Variants in NUP107 observed in about 807,000 individuals in gnomAD.
The protein encoded by NUP107 is nuclear pore complex protein Nup107.
In NUP107, 101 loss-of-function variants were observed where a neutral mutation model predicts 141.0. That is an observed-to-expected ratio of 0.72 (90% CI 0.61 to 0.84). NUP107 has a LOEUF of 0.84. Among genes scored for constraint, NUP107 ranks in the 40% least tolerant of loss-of-function variants. NUP107 has a pLI of 0.00. For synonymous variants in NUP107, 319 were observed against 363.9 expected (o/e 0.88, Z 1.41); for missense variants, 941 against 1,102.7 (o/e 0.85, Z 2.08).
chr12:68,697,770 C>T (rs1368638346), intron 6 of NUP107, among the ~76,000 whole-genome samples: 1 of 152,120 alleles, frequency 6.6e-6, no homozygotes, highest in Admixed American at 6.6e-5. Context: ...TGACTCATGC[C>T]TGTAATCCTA....
At chr12:68,699,793 T>C (rs1007415273) in intron 6 of NUP107, among the ~76,000 whole-genome samples, 3 of 152,222 alleles carry the variant, frequency 2.0e-5, no homozygotes, top group African/African-American at 7.2e-5. Flanking sequence ...TTCTTTACCC[T>C]GGGTCGTTAA....
rs1488992185 is a variant in NUP107, at chr12:68,742,864, A to T, written c.*402A>T. 6.6e-6 allele frequency: 1 copy of T among 152,278 alleles called. No individual in the cohort carries two copies. Among genetic ancestry groups the T allele is most frequent in the African/African-American group, 2.4e-5 (1 of 41,452 alleles). 9.4% of individuals were successfully genotyped at this position (152,278 alleles called of 1,614,324 possible). A position where few individuals can be genotyped will look rare whatever the true frequency, so the allele number is the denominator to read the frequency against. On this transcript the variant is annotated 3_prime_UTR_variant, in exon 28 of 28. Coordinates refer to ENST00000229179, the MANE Select transcript of NUP107 (RefSeq NM_020401.4). ...ATAAAATTTAGTATTTTTGAATATTAAAATTAAGAAGATGACTATAACAAG... is the reference window on the plus strand; with the variant it reads ...ATAAAATTTAGTATTTTTGAATATTTAAATTAAGAAGATGACTATAACAAG...
chr12:68,706,728 G>A (rs150979358), intron 8 of NUP107: 50 of 755,474 alleles, frequency 6.6e-5, no homozygotes, highest in Non-Finnish European at 1.0e-4. Flanking sequence ...GACATGGCAC[G>A]GCAGCTGCGG....
rs554888188 is a variant in NUP107, at chr12:68,717,885, A to G, written c.1084-1456A>G. On this transcript the variant is annotated intron_variant, in intron 12 of 27. Coordinates refer to ENST00000229179, the MANE Select transcript of NUP107 (RefSeq NM_020401.4). ...ATAGCTCTCATAGATTTTAAAGGCT[A>G]TAAGTTCAGAATGATGTTAGGGGTA... Among the ~76,000 whole-genome samples the G allele has an allele frequency of 3.3e-5, 5 of 152,360 alleles. No homozygotes were observed. The East Asian group carries it at 5.8e-4, about 18-fold the overall frequency.
intron 5 of NUP107, among the ~76,000 whole-genome samples, chr12:68,693,423 A>C (rs906015659): frequency 6.6e-6 from 1 of 152,218 alleles, no homozygotes; most frequent in East Asian, 1.9e-4. Context: ...AGACCAGCCC[A>C]GGCTGGTCTC....
Position 68,702,796 on chromosome 12 carries a change from A to G in NUP107, c.729+12A>G. The G allele has an allele frequency of 2.8e-6, 4 of 1,448,404 alleles. No individual in the cohort carries two copies. Among genetic ancestry groups the G allele is most frequent in the Non-Finnish European group, 3.8e-6 (4 of 1,062,186 alleles). 89.7% of individuals were successfully genotyped at this position (1,448,404 alleles called of 1,614,324 possible). ...TATTCGCAGTTACTGTAAGTTTTAT[A>G]TTAATTTTTTCTTTTATAAATACAT... On this transcript the variant is annotated intron_variant, in intron 8 of 27. Coordinates refer to ENST00000229179, the MANE Select transcript of NUP107 (RefSeq NM_020401.4).
At chr12:68,715,355 G>C (rs902217527) in intron 11 of NUP107, among the ~76,000 whole-genome samples, 2 of 152,168 alleles carry the variant, frequency 1.3e-5, no homozygotes, top group Non-Finnish European at 2.9e-5. Context: ...TTAGCTGGGC[G>C]TGGTGGCGTG....
chr12:68,731,771 T>A (rs769824169), intron 22 of NUP107, 52 bp downstream of exon 22: 2 of 1,000,532 alleles, frequency 2.0e-6, no homozygotes, highest in Admixed American at 5.3e-5. Flanking sequence ...TAATCTTTTA[T>A]GTTATTCCTT....
chr12:68,694,606 A>G (rs1312314854), intron 5 of NUP107, among the ~76,000 whole-genome samples: 1 of 152,216 alleles, frequency 6.6e-6, no homozygotes, highest in African/African-American at 2.4e-5. Context: ...GAGCAAAGAA[A>G]TAGAATAGAC....
In NUP107 at chr12:68,692,088, C is replaced by T. The variant is rs114534612; in HGVS notation, c.424C>T (p.Arg142Cys). ...TGTAACTATCAGTGCTGTTATGTTACGTGAGGATGATCCTGGAGAAGCTGG... is the reference window on the plus strand; with the variant it reads ...TGTAACTATCAGTGCTGTTATGTTATGTGAGGATGATCCTGGAGAAGCTGG... Reference protein sequence around the residue: ...EDVTISAVMLREDDPGEAASM... With the variant: ...EDVTISAVMLCEDDPGEAASM... The change falls in exon 5 of 28, where the codon CGT (arginine) becomes TGT (cysteine). Residue 142 changes from arginine to cysteine, a missense_variant. Arg to Cys is a radical substitution (Grantham distance 180, BLOSUM62 -3). Coordinates refer to ENST00000229179, the MANE Select transcript of NUP107 (RefSeq NM_020401.4). The T allele has an allele frequency of 1.1e-4, 173 of 1,599,422 alleles. No individual in the cohort carries two copies. In the African/African-American group the frequency reaches 1.9e-3, roughly 18 times the overall value.
At chr12:68,720,027 A>G (rs545599704) in intron 14 of NUP107, among the ~76,000 whole-genome samples, 150 of 152,354 alleles carry the variant, frequency 9.8e-4, no homozygotes, top group Middle Eastern at 3.4e-3. Context: ...GGGAAACTCA[A>G]AGTAAGGTGG....
intron 6 of NUP107, 39 bp downstream of exon 6, chr12:68,696,961 ATTTTTAG>A: frequency 7.7e-7 from 1 of 1,291,754 alleles, no homozygotes; most frequent in Non-Finnish European, 1.1e-6. Context: ...AAACTTCAGT[ATTTTTAG>A]TTTTCATAAA....
At chr12:68,721,242 A>G (rs1374904048) in intron 15 of NUP107, 65 bp downstream of exon 15, 1 of 1,035,126 alleles carries the variant, frequency 9.7e-7, no homozygotes, top group Non-Finnish European at 1.5e-6. Context: ...ATATTCTAAC[A>G]ATTGTATATA....
chr12:68,693,039 T>C (rs12819184), intron 5 of NUP107, among the ~76,000 whole-genome samples: 5,182 of 151,582 alleles, frequency 0.034, 130 homozygotes, highest in African/African-American at 0.06. Flanking sequence ...TGTGAGCCAC[T>C]GCGCCTGGCC....
chr12:68,734,575 T>C (rs1877983898), intron 24 of NUP107, 133 bp from the exon 25 acceptor site: 1 of 665,020 alleles, frequency 1.5e-6, no homozygotes, highest in African/African-American at 1.8e-5. Flanking sequence ...GGGAAAAAAA[T>C]ATATATTGAA....
intron 10 of NUP107, 51 bp downstream of exon 10, chr12:68,710,144 A>AT (rs1196222940): frequency 1.1e-6 from 1 of 924,630 alleles, no homozygotes; most frequent in Non-Finnish European, 1.7e-6. Flanking sequence ...GATATTGTTC[A>AT]TTCATCTTTC....
chr12:68,719,813 A>G (rs573723439), intron 14 of NUP107, among the ~76,000 whole-genome samples, 159 bp downstream of exon 14: 1 of 152,278 alleles, frequency 6.6e-6, no homozygotes, highest in African/African-American at 2.4e-5. Context: ...AATTATTAAA[A>G]CACTGTGTAC....
rs1388244584 is a variant in NUP107, at chr12:68,731,353, T to C, written c.1885+93T>C. ...TTTGTCCTTATAGTTTTAAATCTTA[T>C]TTCTGTTGAGGGGAAAAGAGGAATA... On this transcript the variant is annotated intron_variant, in intron 21 of 27. Transcript: ENST00000229179. The C allele has an allele frequency of 1.0e-5, 13 of 1,281,936 alleles. No individual in the cohort carries two copies. The Admixed American group carries it at 3.8e-4, about 37-fold the overall frequency. 79.4% of individuals were successfully genotyped at this position (1,281,936 alleles called of 1,614,324 possible).
rs1878365203 is a variant in NUP107, at chr12:68,742,553, A to T, written c.*91A>T. Reference sequence around the variant, plus strand: ...TAGTAATTTTTTCTTTTGCATTACCATGTAAAATTTAGACATTTGAATTTT... The same window carrying T: ...TAGTAATTTTTTCTTTTGCATTACCTTGTAAAATTTAGACATTTGAATTTT... On this transcript the variant is annotated 3_prime_UTR_variant, in exon 28 of 28. Transcript: ENST00000229179. 1 of 628,334 alleles carries T rather than the reference A, an allele frequency of 1.6e-6. No individual in the cohort carries two copies. Among genetic ancestry groups the T allele is most frequent in the South Asian group, 2.6e-5 (1 of 39,072 alleles). The allele number at this position is 628,334 out of a possible 1,614,324, so 38.9% of individuals were successfully genotyped here. A position where few individuals can be genotyped will look rare whatever the true frequency, so the allele number is the denominator to read the frequency against.
Sources: allele counts gnomAD v4.1 joint callset (sites outside exome capture counted in the v4.1 genomes callset), GRCh38; gene constraint gnomAD v4.1.1; transcripts MANE v1.5; gene names NCBI Gene and HGNC (gene_info 2026-07-23, HGNC 2026-07-21).